Variants in PRKDC observed in about 807,000 individuals in gnomAD.
The protein encoded by PRKDC is protein kinase, DNA-activated, catalytic subunit.
In PRKDC, 82 loss-of-function variants were observed where a neutral mutation model predicts 486.9. The observed-to-expected ratio is 0.17, with a 90% CI of 0.14 to 0.20. The LOEUF (loss-of-function observed/expected upper bound fraction) is 0.20. Among genes scored for constraint, PRKDC ranks in the 10% least tolerant of loss-of-function variants. PRKDC has a pLI of 1.00. For missense variants in PRKDC, 4,504 were observed against 5,038.2 expected (o/e 0.89, Z 3.21); for synonymous variants, 1,895 against 1,837.0 (o/e 1.03, Z -0.81).
At chr8:47,791,738 T>C (rs1036069165) in intron 74 of PRKDC, among the ~76,000 whole-genome samples, 1 of 152,148 alleles carries the variant, frequency 6.6e-6, no homozygotes, top group East Asian at 1.9e-4. Context: ...GAGGAACCCT[T>C]GTATACTATT....
At chr8:47,799,096 T>G in intron 72 of PRKDC, 114 bp downstream of exon 72, 4 of 1,354,190 alleles carry the variant, frequency 3.0e-6, no homozygotes, top group Non-Finnish European at 4.0e-6. Context: ...ACAGTAGGAT[T>G]TTCAAAATAT....
chr8:47,883,831 A>G (rs938905265), intron 36 of PRKDC, among the ~76,000 whole-genome samples: 32 of 152,064 alleles, frequency 2.1e-4, no homozygotes, highest in African/African-American at 5.8e-4. Context: ...GTGTCCCGCT[A>G]CGCCCTCTGG....
At chr8:47,936,900 C>T (rs1040493260) in intron 11 of PRKDC, among the ~76,000 whole-genome samples, 4 of 149,610 alleles carry the variant, frequency 2.7e-5, no homozygotes, top group African/African-American at 9.8e-5. Context: ...GCTGGGATTA[C>T]AGGCGGGAGC....
intron 11 of PRKDC, 81 bp downstream of exon 11, chr8:47,939,470 C>A: frequency 6.8e-7 from 1 of 1,465,982 alleles, no homozygotes; most frequent in Non-Finnish European, 9.4e-7. Context: ...GTATTAGACA[C>A]TATTCAAAAT....
intron 30 of PRKDC, among the ~76,000 whole-genome samples, chr8:47,895,112 AGCT>A (rs1398107708): frequency 1.3e-4 from 20 of 152,176 alleles, no homozygotes; most frequent in Non-Finnish European, 2.5e-4. Context: ...CTGCAGTCCC[AGCT>A]ACTAAGGAGG....
At chr8:47,778,864 A>T in intron 81 of PRKDC, 65 bp from the exon 82 acceptor site, 2 of 1,521,960 alleles carry the variant, frequency 1.3e-6, no homozygotes, top group South Asian at 2.5e-5. Context: ...TTAAATTTTA[A>T]AACTTTTTGT....
At position 47,956,853 on chromosome 8, in the gene PRKDC, C is replaced by G. The variant is rs1294417240; in HGVS notation, c.324+318G>C. 1.3e-5 allele frequency among the ~76,000 whole-genome samples: 2 copies of G among 150,974 alleles called. 1 individual carries two copies. Among genetic ancestry groups the G allele is most frequent in the African/African-American group, 4.9e-5 (2 of 41,082 alleles). Reference sequence around the variant, plus strand: ...CAGGGAGCCCAGGGTGCCACTGCCACCTCCTCAGGAAAAAAAAGTATTAAG... The same window carrying G: ...CAGGGAGCCCAGGGTGCCACTGCCAGCTCCTCAGGAAAAAAAAGTATTAAG... On this transcript the variant is annotated intron_variant, in intron 3 of 85. Coordinates refer to ENST00000314191, the MANE Select transcript of PRKDC (RefSeq NM_006904.7).
chr8:47,778,468 G>C lies in PRKDC; in HGVS notation c.11844C>G (p.Ser3948=), dbSNP rs774140694. 1.2e-6 allele frequency: 2 copies of C among 1,612,274 alleles called. No homozygotes were observed. The highest frequency in any genetic ancestry group is 4.5e-5 in the East Asian group (2 of 44,816). The stretch of plus-strand genomic sequence containing the variant: ...AGCACAGCAAGTGCACCTGTGTAGC[G>C]GATCCAAACGCATGCCCAAAGTCGA... ...IGIDFGHAFG[S]ATQFLPVPEL... The change falls in exon 83 of 86, where the codon TCC becomes TCG. Residue 3948 remains serine (S), a synonymous_variant. Transcript: ENST00000314191.
chr8:47,943,071 G>A lies in PRKDC; in HGVS notation c.966+138C>T, dbSNP rs369973647. On this transcript the variant is annotated intron_variant, in intron 10 of 85. Transcript: ENST00000314191. ...CTGGCTGCCTCCCATATGGCTGGCT[G>A]ATCAACATCTTTCTGCTTTAAATAC... 38 of 1,134,212 alleles carry A rather than the reference G, an allele frequency of 3.4e-5. 1 individual carries two copies. The African/African-American group carries it at 5.2e-4, about 15-fold the overall frequency. The allele number at this position is 1,134,212 out of a possible 1,614,324, so 70.3% of individuals were successfully genotyped here. A position where few individuals can be genotyped will look rare whatever the true frequency, so the allele number is the denominator to read the frequency against.
chr8:47,911,129 G>A (rs1201499221), intron 25 of PRKDC, among the ~76,000 whole-genome samples: 1 of 152,118 alleles, frequency 6.6e-6, no homozygotes, highest in East Asian at 1.9e-4. Flanking sequence ...TAGTTAGTGG[G>A]GCTGATATCC....
chr8:47,910,407 T>C (rs2089876750), intron 25 of PRKDC, among the ~76,000 whole-genome samples: 2 of 152,184 alleles, frequency 1.3e-5, no homozygotes, highest in African/African-American at 2.4e-5. Context: ...TTTGACCTAA[T>C]ACCATTTATT....
rs151306159 is a variant in PRKDC at position 47,875,886 on chromosome 8, C to A, written c.5363+1838G>T. Among the ~76,000 whole-genome samples the A allele has an allele frequency of 3.5e-3, 531 of 152,146 alleles. 7 individuals are homozygous for A. Among genetic ancestry groups the A allele is most frequent in the African/African-American group, 0.012 (503 of 41,514 alleles). On this transcript the variant is annotated intron_variant, in intron 40 of 85. Coordinates refer to ENST00000314191, the MANE Select transcript of PRKDC (RefSeq NM_006904.7). The stretch of plus-strand genomic sequence containing the variant: ...CAAAAGAATGTGTTCTGCTGCCGTG[C>A]AGAATTCTGTTTTATAGTTGGTTAA...
At position 47,893,347 on chromosome 8, in the gene PRKDC, C is replaced by T. The variant is rs531017790; in HGVS notation, c.3639G>A (p.Lys1213=). 6.4e-7 allele frequency: 1 copy of T among 1,556,676 alleles called. No homozygotes were observed. Among genetic ancestry groups the T allele is most frequent in the Non-Finnish European group, 8.7e-7 (1 of 1,145,280 alleles). Residue 1213 remains lysine (K), a synonymous_variant, in exon 31 of 86, where the codon AAG becomes AAA. Coordinates refer to ENST00000314191, the MANE Select transcript of PRKDC (RefSeq NM_006904.7). The part of the protein sequence containing the change: ...SPNLWLKDVL[K]EEGVSFLINT... ...TGATGAGAAAAGAGACACCTTCTTCCTTGAGAACATCTTTCAGCCACAAAT... is the reference window on the plus strand; with the variant it reads ...TGATGAGAAAAGAGACACCTTCTTCTTTGAGAACATCTTTCAGCCACAAAT...
intron 21 of PRKDC, among the ~76,000 whole-genome samples, chr8:47,919,767 A>G (rs1277997780): frequency 8.9e-6 from 1 of 112,576 alleles, no homozygotes; most frequent in Non-Finnish European, 1.9e-5. Context: ...AAGAATTTTT[A>G]GTTCACTGGA....
chr8:47,864,600 T>G lies in PRKDC; in HGVS notation c.5527A>C (p.Ile1843Leu). Residue 1843 changes from isoleucine to leucine, a missense_variant, in exon 41 of 86, where the codon ATT (isoleucine) becomes CTT (leucine). By Grantham distance (5) the Ile-to-Leu change is conservative. Around this residue, in one of 6 missense-constraint regions of PRKDC, gnomAD observed 1,969 missense variants for 2,068.9 expected, o/e 0.95. Transcript: ENST00000314191. Reference protein sequence around the residue: ...LDALREFFSTIVVDAIDVLKS... With the variant: ...LDALREFFSTLVVDAIDVLKS... ...AACACATCAATGGCATCCACCACAA[T>G]TGTGCTGAAGAATTCTCTCAAAGCA... is the stretch of plus-strand genomic sequence containing the variant. 6.2e-7 allele frequency: 1 copy of G among 1,610,468 alleles called. No homozygotes were observed. Among genetic ancestry groups the G allele is most frequent in the Non-Finnish European group, 8.5e-7 (1 of 1,178,680 alleles).
At chr8:47,854,257 A>G (rs1243360995) in intron 50 of PRKDC, 43 bp from the exon 51 acceptor site, 1 of 1,595,558 alleles carries the variant, frequency 6.3e-7, no homozygotes, top group African/African-American at 1.3e-5. Flanking sequence ...CTGTTGCATA[A>G]TCAAGTAAGA....
chr8:47,912,610 A>G (rs373273387), intron 24 of PRKDC, 48 bp from the exon 25 acceptor site: 30 of 1,480,026 alleles, frequency 2.0e-5, no homozygotes, highest in Non-Finnish European at 2.6e-5. Context: ...CACGTTGATG[A>G]CAAGAGAATA....
intron 30 of PRKDC, 91 bp from the exon 31 acceptor site, chr8:47,893,478 A>C: frequency 7.7e-7 from 1 of 1,299,320 alleles, no homozygotes; most frequent in South Asian, 2.2e-5. Context: ...GTTATGGGAC[A>C]ATCTTTTTTC....
In PRKDC at chr8:47,797,527, G is replaced by A. The variant is rs372235198; in HGVS notation, c.10458+710C>T. On this transcript the variant is annotated intron_variant, in intron 73 of 85. Coordinates refer to ENST00000314191, the MANE Select transcript of PRKDC (RefSeq NM_006904.7). ...TCACCATGCAAAGCTAATAGAGAACGAACCATGTAACCCTTTTTGAACTAT... is the reference window on the plus strand; with the variant it reads ...TCACCATGCAAAGCTAATAGAGAACAAACCATGTAACCCTTTTTGAACTAT... 2.0e-5 allele frequency among the ~76,000 whole-genome samples: 3 copies of A among 152,204 alleles called. No homozygotes were observed. The East Asian group carries it at 5.8e-4, about 29-fold the overall frequency.
Sources: allele counts gnomAD v4.1 joint callset (sites outside exome capture counted in the v4.1 genomes callset), GRCh38; gene constraint gnomAD v4.1.1; regional missense constraint gnomAD v4.1.1; transcripts MANE v1.5; gene names NCBI Gene and HGNC (gene_info 2026-07-23, HGNC 2026-07-21).